The following PCDHGB5 variants were observed in gnomAD, a reference collection of about 807,000 sequenced individuals.
The protein encoded by PCDHGB5 is protocadherin gamma-B5.
In PCDHGB5, 48 loss-of-function variants were observed where a neutral mutation model predicts 62.9. That is an observed-to-expected ratio of 0.76 (90% confidence interval 0.61 to 0.97). The LOEUF is 0.97. Among genes scored for constraint, PCDHGB5 ranks in the 50% least tolerant of loss-of-function variants. PCDHGB5 has a pLI of 0.00. For missense variants in PCDHGB5, 1,118 were observed against 1,198.6 expected, an observed-to-expected ratio of 0.93 and a Z score of 0.99; for synonymous variants, 474 against 511.2, an observed-to-expected ratio of 0.93 and a Z score of 0.98.
rs745658462 is a variant in PCDHGB5 at position 141,414,720 on chromosome 5, T to C, written c.2397+14196T>C. 6 of 1,614,132 alleles carry C rather than the reference T, an allele frequency of 3.7e-6. No homozygotes were observed. The East Asian group carries it at 1.3e-4, about 36-fold the overall frequency. ...CATACATATCCATCAACTCAGACAC[T>C]GGCGTCCTGTATGCACTCAGATCCT... On this transcript the variant is annotated intron_variant, in intron 1 of 3. Coordinates refer to ENST00000617380, the MANE Select transcript of PCDHGB5 (RefSeq NM_018925.3).
intron 1 of PCDHGB5, chr5:141,418,431 A>T (rs751083183): frequency 1.9e-6 from 3 of 1,614,000 alleles, no homozygotes; most frequent in East Asian, 2.2e-5. Flanking sequence ...GGTGGCAAAT[A>T]TCCAGAATTA....
chr5:141,463,596 C>T (rs922480221), intron 1 of PCDHGB5, among the ~76,000 whole-genome samples: 5 of 151,874 alleles, frequency 3.3e-5, no homozygotes, highest in Admixed American at 2.0e-4. Flanking sequence ...CTACAGGTGC[C>T]TGCCACCATG....
rs61612330 is a variant in PCDHGB5 at position 141,454,796 on chromosome 5, A to ATTTTTTTTT, written c.2398-39990_2398-39982dup. Among the ~76,000 whole-genome samples the ATTTTTTTTT allele has an allele frequency of 8.2e-3, 638 of 77,468 alleles. 91 individuals carry two copies. The highest frequency in any genetic ancestry group is 0.025 in the African/African-American group (426 of 16,886). 50.8% of individuals were successfully genotyped at this position (77,468 alleles called of 152,430 possible). On this transcript the variant is annotated intron_variant, in intron 1 of 3. Coordinates refer to ENST00000617380, the MANE Select transcript of PCDHGB5 (RefSeq NM_018925.3). ...AAGGAAATAATCCTCCATGGTTCTA[A>ATTTTTTTTT]TTTTTTTTTTTTTTTTTTTTTTTTT...
At position 141,400,453 on chromosome 5, in the gene PCDHGB5, C is replaced by G; in HGVS notation, c.2326C>G (p.Leu776Val). Residue 776 changes from leucine (L) to valine (V), a missense_variant, in exon 1 of 4, where the codon CTT becomes GTT. Physicochemically the swap from Leu to Val is conservative, Grantham distance 32 (BLOSUM62 1). This residue lies in a region of PCDHGB5 where 1,034 missense variants were observed against 1,029.1 expected (regional missense o/e 1.00). Transcript: ENST00000617380. ...GCAATTGAGTTCAGGACAAGACATA[C>G]TTTGTGGTGATTCATCTGGGGCCTT... ...SEQLSSGQDI[L>V]CGDSSGALFP... 2 of 1,614,056 alleles carry G rather than the reference C, an allele frequency of 1.2e-6. No homozygotes were observed. Among genetic ancestry groups the G allele is most frequent in the South Asian group, 2.2e-5 (2 of 91,086 alleles).
At position 141,487,362 on chromosome 5, in the gene PCDHGB5, C is replaced by T; in HGVS notation, c.2398-7445C>T. On this transcript the variant is annotated intron_variant, in intron 1 of 3. Transcript: ENST00000617380. The surrounding 1 kb of genome is among the most constrained non-coding windows in gnomAD (Gnocchi z 5.0). The stretch of plus-strand genomic sequence containing the variant: ...GGAGTCACATGCTTTCCTGCTGGCA[C>T]CTGTGCCTGTCTCACCAGATCTCGA... 3 of 1,614,200 alleles carry T rather than the reference C, an allele frequency of 1.9e-6. No homozygotes were observed. Among genetic ancestry groups the T allele is most frequent in the Non-Finnish European group, 2.5e-6 (3 of 1,180,044 alleles).
Position 141,494,842 on chromosome 5 carries a change from G to A in PCDHGB5, c.2433G>A (p.Gln811=). 1 of 1,614,116 alleles carries A rather than the reference G, an allele frequency of 6.2e-7. No homozygotes were observed. Among genetic ancestry groups the A allele is most frequent in the Non-Finnish European group, 8.5e-7 (1 of 1,180,018 alleles). The change falls in exon 2 of 4, where the codon CAG becomes CAA. Residue 811 remains glutamine, a synonymous_variant. Coordinates refer to ENST00000617380, the MANE Select transcript of PCDHGB5 (RefSeq NM_018925.3). ...APPNTDWRFS[Q]AQRPGTSGSQ... is the part of the protein sequence containing the mutation. ...CCAACACGGACTGGCGTTTCTCTCA[G>A]GCCCAGAGACCCGGCACCAGCGGGT... is the stretch of plus-strand genomic sequence containing the variant.
intron 1 of PCDHGB5, chr5:141,427,965 C>T: frequency 6.3e-7 from 1 of 1,590,342 alleles, no homozygotes; most frequent in Non-Finnish European, 8.6e-7. Flanking sequence ...GCCGCGGGTG[C>T]TGTACCCCGC....
Position 141,415,225 on chromosome 5 carries a change from T to C in PCDHGB5, c.2397+14701T>C, listed in dbSNP as rs189700811. On this transcript the variant is annotated intron_variant, in intron 1 of 3. Transcript: ENST00000617380. ...CCTGGCGGACCTCGGCAGCTTCGAG[T>C]CTCCAGCTAACTCTGAAACCTCAGA... 12,267 of 1,614,024 alleles carry C rather than the reference T, an allele frequency of 7.6e-3. 74 individuals carry two copies. Among genetic ancestry groups the C allele is most frequent in the Non-Finnish European group, 9.2e-3 (10,854 of 1,180,002 alleles).
intron 1 of PCDHGB5, among the ~76,000 whole-genome samples, chr5:141,454,836 C>T (rs1201514890): frequency 1.3e-4 from 11 of 85,100 alleles, no homozygotes; most frequent in African/African-American, 2.1e-4. Context: ...GAGACAGAGT[C>T]GCGCTCTGTC....
chr5:141,455,162 T>G (rs1002208156), intron 1 of PCDHGB5, among the ~76,000 whole-genome samples: 5 of 150,972 alleles, frequency 3.3e-5, no homozygotes, highest in African/African-American at 7.3e-5. Context: ...GTTTGTTGGT[T>G]TTTTTTTTAG....
At chr5:141,481,913 CAAA>C (rs34114744) in intron 1 of PCDHGB5, among the ~76,000 whole-genome samples, 50 of 90,788 alleles carry the variant, frequency 5.5e-4, no homozygotes, top group African/African-American at 7.1e-4. Flanking sequence ...AACTCCATCT[CAAA>C]AAAAAAAAAA....
intron 1 of PCDHGB5, among the ~76,000 whole-genome samples, chr5:141,425,629 C>G (rs1297803997): frequency 1.3e-5 from 2 of 152,162 alleles, no homozygotes; most frequent in Admixed American, 1.3e-4. Flanking sequence ...CTCCAGTTTT[C>G]TCTGATAAAA....
chr5:141,415,031 G>T lies in PCDHGB5; in HGVS notation c.2397+14507G>T, dbSNP rs982540695. The T allele has an allele frequency of 6.2e-6, 10 of 1,613,464 alleles. No individual in the cohort carries two copies. The highest frequency in any genetic ancestry group is 6.8e-6 in the Non-Finnish European group (8 of 1,179,984). On this transcript the variant is annotated intron_variant, in intron 1 of 3. Transcript: ENST00000617380. ...CGTCTGCTCAAGGCCAGCGAGCCGGGACTCTTCGCGGTGGGGGAGCACACG... is the reference window on the plus strand; with the variant it reads ...CGTCTGCTCAAGGCCAGCGAGCCGGTACTCTTCGCGGTGGGGGAGCACACG...
chr5:141,490,476 G>A lies in PCDHGB5; in HGVS notation c.2398-4331G>A. 1 of 1,614,208 alleles carries A rather than the reference G, an allele frequency of 6.2e-7. No homozygotes were observed. The highest frequency in any genetic ancestry group is 8.5e-7 in the Non-Finnish European group (1 of 1,180,046). On this transcript the variant is annotated intron_variant, in intron 1 of 3. Transcript: ENST00000617380. The surrounding 1 kb of genome is among the most constrained non-coding windows in gnomAD (Gnocchi z 5.4). ...ACTCGCTGCTAACCAGCCAGCCTTT[G>A]GACCGGGAGGCCACATCCCACTATA...
chr5:141,478,514 G>A, intron 1 of PCDHGB5: 2 of 1,611,534 alleles, frequency 1.2e-6, no homozygotes, highest in Non-Finnish European at 1.7e-6. Context: ...CTATAGGCAG[G>A]TGTTGGGTGC....
chr5:141,409,824 C>T (rs1265260597), intron 1 of PCDHGB5: 1 of 1,610,860 alleles, frequency 6.2e-7, no homozygotes, highest in Non-Finnish European at 8.5e-7. Flanking sequence ...GGCTCGCCCA[C>T]GCTCAGCGCC....
intron 1 of PCDHGB5, among the ~76,000 whole-genome samples, chr5:141,425,133 A>T (rs1311425564): frequency 6.6e-6 from 1 of 152,200 alleles, no homozygotes; most frequent in Non-Finnish European, 1.5e-5. Flanking sequence ...GTCAAGAAAA[A>T]TGTTCAGGTA....
rs752708726 is a variant in PCDHGB5 at position 141,413,991 on chromosome 5, C to T, written c.2397+13467C>T. 1.9e-6 allele frequency: 3 copies of T among 1,613,494 alleles called. No homozygotes were observed. The East Asian group carries it at 6.7e-5, about 36-fold the overall frequency. ...AGCTGCTGACAGTCACAGCCACCGA[C>T]AGGGACGAAGGTGCCAATGGAGAAG... On this transcript the variant is annotated intron_variant, in intron 1 of 3. Coordinates refer to ENST00000617380, the MANE Select transcript of PCDHGB5 (RefSeq NM_018925.3).
At chr5:141,404,565 G>C in intron 1 of PCDHGB5, 2 of 1,613,910 alleles carry the variant, frequency 1.2e-6, no homozygotes. Flanking sequence ...AGTGACAGTG[G>C]AAGCCCACCA....
Sources: allele counts gnomAD v4.1 joint callset (sites outside exome capture counted in the v4.1 genomes callset), GRCh38; gene constraint gnomAD v4.1.1; regional missense constraint gnomAD v4.1.1; non-coding constraint Gnocchi (gnomAD v3.1); transcripts MANE v1.5; gene names NCBI Gene and HGNC (gene_info 2026-07-23, HGNC 2026-07-21).